The following PRKAR2B variants were observed in gnomAD, a reference collection of about 807,000 sequenced individuals.
PRKAR2B encodes protein kinase cAMP-dependent type II regulatory subunit beta.
Under a neutral mutation model 49.9 loss-of-function variants are expected in PRKAR2B, and 14 were observed. The observed-to-expected ratio is 0.28, with a 90% CI of 0.19 to 0.44. The LOEUF (loss-of-function observed/expected upper bound fraction) is 0.44, where lower values mean the gene tolerates loss of function less well. Among genes scored for constraint, PRKAR2B ranks in the 20% least tolerant of loss-of-function variants. PRKAR2B has a pLI of 1.00. For missense variants in PRKAR2B, 393 were observed against 537.9 expected, an observed-to-expected ratio of 0.73 and a Z score of 2.67; for synonymous variants, 196 against 197.7, an observed-to-expected ratio of 0.99 and a Z score of 0.07.
At chr7:107,046,539 C>A (rs911732019) in intron 1 of PRKAR2B, among the ~76,000 whole-genome samples, 9 of 152,158 alleles carry the variant, frequency 5.9e-5, no homozygotes, top group Non-Finnish European at 1.0e-4. Flanking sequence ...TTGTTACTTA[C>A]AATTTTAATT....
chr7:107,079,118 AG>A (rs1393935964), intron 2 of PRKAR2B, among the ~76,000 whole-genome samples: 1 of 152,224 alleles, frequency 6.6e-6, no homozygotes, highest in Non-Finnish European at 1.5e-5. Flanking sequence ...TAGATAGAAT[AG>A]ACATTTAGAT....
chr7:107,061,097 G>A (rs180939414), intron 1 of PRKAR2B, among the ~76,000 whole-genome samples: 1 of 151,692 alleles, frequency 6.6e-6, no homozygotes, highest in East Asian at 1.9e-4. Context: ...TGTTCTATTG[G>A]GTTTGCTGTC....
chr7:107,054,107 T>C lies in PRKAR2B; in HGVS notation c.307+8893T>C, dbSNP rs575997824. On this transcript the variant is annotated intron_variant, in intron 1 of 10. Coordinates refer to ENST00000265717, the MANE Select transcript of PRKAR2B (RefSeq NM_002736.3). Reference sequence around the variant, plus strand: ...CTCACAGCCTGTAATCCCAGCACTTTGGGAGGCCGAGGCGGGCGAATCATG... The same window carrying C: ...CTCACAGCCTGTAATCCCAGCACTTCGGGAGGCCGAGGCGGGCGAATCATG... Among the ~76,000 whole-genome samples, 27 of 152,262 alleles carry C rather than the reference T, an allele frequency of 1.8e-4. 1 individual carries two copies. The South Asian group carries it at 5.4e-3, about 30-fold the overall frequency.
At chr7:107,070,634 T>C (rs1433026669) in intron 2 of PRKAR2B, among the ~76,000 whole-genome samples, 1 of 152,226 alleles carries the variant, frequency 6.6e-6, no homozygotes, top group African/African-American at 2.4e-5. Flanking sequence ...AGAATTACGA[T>C]CTGTATGGTT....
chr7:107,152,967 T>A (rs1356566562), intron 7 of PRKAR2B, among the ~76,000 whole-genome samples: 1 of 152,166 alleles, frequency 6.6e-6, no homozygotes, highest in Admixed American at 6.5e-5. Flanking sequence ...ATGGGCTATG[T>A]GATGCTGATT....
chr7:107,124,499 C>T (rs1584440847), intron 3 of PRKAR2B, among the ~76,000 whole-genome samples: 1 of 152,172 alleles, frequency 6.6e-6, no homozygotes, highest in South Asian at 2.1e-4. Context: ...CAAAACACAG[C>T]CCCCAAGCCT....
chr7:107,123,341 T>C (rs763558679), intron 3 of PRKAR2B, among the ~76,000 whole-genome samples: 1 of 152,212 alleles, frequency 6.6e-6, no homozygotes, highest in African/African-American at 2.4e-5. Context: ...AGCTAATTTC[T>C]AATAGTTTTG....
intron 2 of PRKAR2B, among the ~76,000 whole-genome samples, chr7:107,095,796 G>A (rs1285917438): frequency 6.6e-6 from 1 of 152,160 alleles, no homozygotes; most frequent in Non-Finnish European, 1.5e-5. Context: ...TTCATATGAT[G>A]GATTACGTTT....
intron 1 of PRKAR2B, among the ~76,000 whole-genome samples, chr7:107,069,431 A>G (rs1221413038): frequency 6.6e-6 from 1 of 152,192 alleles, no homozygotes. Context: ...TTACTCTTCT[A>G]AAAGTATTGA....
chr7:107,101,194 G>A (rs1257730857), intron 2 of PRKAR2B, among the ~76,000 whole-genome samples: 1 of 101,184 alleles, frequency 9.9e-6, no homozygotes, highest in Non-Finnish European at 1.9e-5. Context: ...CTCTGTCTTT[G>A]CCATGGTATG....
At chr7:107,074,857 A>C (rs1794365084) in intron 2 of PRKAR2B, among the ~76,000 whole-genome samples, 1 of 152,058 alleles carries the variant, frequency 6.6e-6, no homozygotes. Context: ...GCAGCTCAGT[A>C]AATATTTTAA....
At chr7:107,075,727 A>G (rs1794383965) in intron 2 of PRKAR2B, among the ~76,000 whole-genome samples, 1 of 152,052 alleles carries the variant, frequency 6.6e-6, no homozygotes, top group South Asian at 2.1e-4. Context: ...AGGCTTTTCA[A>G]AACGTTCGCT....
At chr7:107,061,554 C>T (rs979568937) in intron 1 of PRKAR2B, among the ~76,000 whole-genome samples, 1 of 152,020 alleles carries the variant, frequency 6.6e-6, no homozygotes, top group South Asian at 2.1e-4. Flanking sequence ...TGGTAAAGTT[C>T]AATAATAAGA....
At chr7:107,063,285 C>A (rs979832666) in intron 1 of PRKAR2B, among the ~76,000 whole-genome samples, 2 of 152,206 alleles carry the variant, frequency 1.3e-5, no homozygotes, top group African/African-American at 4.8e-5. Context: ...GCATGAGCCT[C>A]CATGCCTGGC....
chr7:107,059,079 G>T (rs1238102544), intron 1 of PRKAR2B, among the ~76,000 whole-genome samples: 1 of 152,096 alleles, frequency 6.6e-6, no homozygotes. Flanking sequence ...CCTGAGGTCA[G>T]GAGTTCGAGA....
At chr7:107,130,021 A>G (rs1795573985) in intron 4 of PRKAR2B, among the ~76,000 whole-genome samples, 1 of 151,858 alleles carries the variant, frequency 6.6e-6, no homozygotes, top group South Asian at 2.1e-4. Flanking sequence ...CCATCTGGGA[A>G]TGCAGCCCAG....
intron 2 of PRKAR2B, among the ~76,000 whole-genome samples, chr7:107,107,351 A>G (rs1315075261): frequency 2.0e-5 from 3 of 151,900 alleles, no homozygotes; most frequent in East Asian, 1.9e-4. Flanking sequence ...AAAAAAAGCC[A>G]TTTTTAGGCC....
chr7:107,110,812 T>C (rs1795156874), intron 2 of PRKAR2B, among the ~76,000 whole-genome samples: 1 of 152,144 alleles, frequency 6.6e-6, no homozygotes, highest in Admixed American at 6.5e-5. Flanking sequence ...TGAGACTTGC[T>C]GGCTTCAGGT....
intron 2 of PRKAR2B, among the ~76,000 whole-genome samples, chr7:107,104,250 G>A (rs973842481): frequency 1.3e-5 from 2 of 152,080 alleles, no homozygotes; most frequent in African/African-American, 4.8e-5. Flanking sequence ...GTCCAGGCTG[G>A]CCTCGAACTC....
Sources: gnomAD v4.1 joint callset for allele counts (sites outside exome capture counted in the v4.1 genomes callset) on GRCh38, gnomAD v4.1.1 for gene constraint, MANE v1.5 for transcripts, NCBI Gene and HGNC (gene_info 2026-07-23, HGNC 2026-07-21) for gene names.